The following NFIA variants were observed in gnomAD, a reference collection of about 807,000 sequenced individuals.
NFIA encodes the protein nuclear factor 1 A-type.
A neutral mutation model predicts 62.8 loss-of-function variants in NFIA; 8 were observed. The ratio of observed to expected loss-of-function variants is 0.13; its 90% CI spans 0.07 to 0.23. The LOEUF (loss-of-function observed/expected upper bound fraction) is 0.23. NFIA is among the 10% of genes least tolerant of loss of function. NFIA has a pLI of 1.00. For missense variants in NFIA, 410 were observed against 642.1 expected, an observed-to-expected ratio of 0.64 and a Z score of 3.91; for synonymous variants, 235 against 238.1, an observed-to-expected ratio of 0.99 and a Z score of 0.12.
At chr1:61,324,945 A>AC (rs1660853456) in intron 3 of NFIA, among the ~76,000 whole-genome samples, 1 of 152,222 alleles carries the variant, frequency 6.6e-6, no homozygotes, top group South Asian at 2.1e-4. Context: ...AATTCAATGA[A>AC]CAAGACTTCA....
At chr1:61,379,747 C>T (rs1241350911) in intron 6 of NFIA, among the ~76,000 whole-genome samples, 3 of 151,934 alleles carry the variant, frequency 2.0e-5, no homozygotes, top group African/African-American at 7.2e-5. Flanking sequence ...GAGATAAGGT[C>T]TCACTATATT....
At chr1:61,206,593 C>T (rs767900695) in intron 2 of NFIA, among the ~76,000 whole-genome samples, 4 of 152,144 alleles carry the variant, frequency 2.6e-5, no homozygotes, top group South Asian at 2.1e-4. Flanking sequence ...CTTGTCAGTG[C>T]GACCTCAGAC....
intron 2 of NFIA, chr1:61,251,394 C>T (rs1656028809): frequency 6.6e-6 from 1 of 152,140 alleles, no homozygotes; most frequent in Non-Finnish European, 1.5e-5. Context: ...GTAATGTTTA[C>T]TTTGCAAAAG....
chr1:61,335,878 G>T (rs1661578320), intron 4 of NFIA, among the ~76,000 whole-genome samples: 2 of 151,958 alleles, frequency 1.3e-5, no homozygotes, highest in African/African-American at 4.8e-5. Flanking sequence ...GGCACAAAAG[G>T]TGATTAAACA....
chr1:61,098,376 T>C (rs1314014070), intron 2 of NFIA, among the ~76,000 whole-genome samples: 4 of 152,226 alleles, frequency 2.6e-5, no homozygotes, highest in Non-Finnish European at 5.9e-5. Flanking sequence ...TTTGCGTCTT[T>C]ATATGACTAT....
rs1373069191 is a variant in NFIA at position 61,460,403 on chromosome 1, A to C, written c.*5083A>C. The C allele has an allele frequency of 2.6e-5, 4 of 152,258 alleles. No homozygotes were observed. The highest frequency in any genetic ancestry group is 9.6e-5 in the African/African-American group (4 of 41,474). The allele number at this position is 152,258 out of a possible 1,614,324, so 9.4% of individuals were successfully genotyped here. A position where few individuals can be genotyped will look rare whatever the true frequency, so the allele number is the denominator to read the frequency against. On this transcript the variant is annotated 3_prime_UTR_variant, in exon 11 of 11. Transcript: ENST00000403491. Reference sequence around the variant, plus strand: ...TGAAATCAATTTAATGTTTAATGCAAATCCATTACATGGTGCTATTATAGG... The same window carrying C: ...TGAAATCAATTTAATGTTTAATGCACATCCATTACATGGTGCTATTATAGG...
chr1:61,269,268 C>G (rs1657367559), intron 2 of NFIA, among the ~76,000 whole-genome samples: 1 of 149,934 alleles, frequency 6.7e-6, no homozygotes, highest in African/African-American at 2.5e-5. Flanking sequence ...AGACTTCGGA[C>G]AAATATTTTA....
chr1:61,265,617 T>G (rs1031161337), intron 2 of NFIA, among the ~76,000 whole-genome samples: 3 of 152,196 alleles, frequency 2.0e-5, no homozygotes, highest in African/African-American at 7.2e-5. Context: ...ATTGTCAATG[T>G]GGAAATTGAA....
At chr1:61,288,275 A>G (rs1453777067) in intron 3 of NFIA, among the ~76,000 whole-genome samples, 1 of 152,242 alleles carries the variant, frequency 6.6e-6, no homozygotes, top group African/African-American at 2.4e-5. Context: ...GGTGAAGTAG[A>G]GAAATGGCAT....
intron 3 of NFIA, among the ~76,000 whole-genome samples, chr1:61,330,961 T>C (rs1475964883): frequency 6.6e-6 from 1 of 152,218 alleles, no homozygotes; most frequent in African/African-American, 2.4e-5. Flanking sequence ...GAAAGAGATG[T>C]TGTGGTCTGT....
chr1:61,184,939 C>A (rs1651053053), intron 2 of NFIA, among the ~76,000 whole-genome samples: 1 of 152,202 alleles, frequency 6.6e-6, no homozygotes, highest in South Asian at 2.1e-4. Context: ...ACTTGACTTA[C>A]ATTCTTTTAA....
chr1:61,235,597 C>G, intron 2 of NFIA, among the ~76,000 whole-genome samples: 1 of 151,290 alleles, frequency 6.6e-6, no homozygotes, highest in African/African-American at 2.4e-5. Flanking sequence ...GGGAGAATCA[C>G]TTGAGCCCAG....
chr1:61,247,142 G>A (rs1013545139), intron 2 of NFIA, among the ~76,000 whole-genome samples: 10 of 152,190 alleles, frequency 6.6e-5, no homozygotes, highest in Non-Finnish European at 1.0e-4. Flanking sequence ...GCTAGATGGG[G>A]TAGAAATGCA....
chr1:61,414,858 C>G (rs146892679), intron 9 of NFIA, among the ~76,000 whole-genome samples: 1 of 152,084 alleles, frequency 6.6e-6, no homozygotes, highest in Non-Finnish European at 1.5e-5. Context: ...ATAAAATTCA[C>G]TCTTTAGTGT....
intron 7 of NFIA, 145 bp from the exon 8 acceptor site, chr1:61,403,959 C>T: frequency 3.4e-6 from 3 of 881,482 alleles, no homozygotes; most frequent in Non-Finnish European, 5.2e-6. Context: ...GAAAATCTGT[C>T]AGACCTATCC....
chr1:61,320,775 GAGATGGGCC>G (rs1481597135), intron 3 of NFIA, among the ~76,000 whole-genome samples: 1 of 152,140 alleles, frequency 6.6e-6, no homozygotes, highest in Non-Finnish European at 1.5e-5. Context: ...GAAGAAAAGG[GAGATGGGCC>G]ATTACGATTT....
rs140522391 is a variant in NFIA, at chr1:61,261,212, T to A, written c.560-16308T>A. Among the ~76,000 whole-genome samples the A allele has an allele frequency of 4.9e-3, 748 of 152,334 alleles. 4 individuals are homozygous for A. Among genetic ancestry groups the A allele is most frequent in the Non-Finnish European group, 7.3e-3 (499 of 68,030 alleles). ...CTGATTCTGAACTTGATGTCCATTT[T>A]GAGGGGTTGTTAAGCCAAATACCTT... On this transcript the variant is annotated intron_variant, in intron 2 of 10. Coordinates refer to ENST00000403491, the MANE Select transcript of NFIA (RefSeq NM_001134673.4).
intron 7 of NFIA, chr1:61,385,926 T>C (rs567760542): frequency 1.3e-5 from 2 of 152,184 alleles, no homozygotes; most frequent in Non-Finnish European, 1.5e-5. Flanking sequence ...TCTACTCAGG[T>C]ACCCGTTCTT....
intron 2 of NFIA, among the ~76,000 whole-genome samples, chr1:61,131,499 C>G (rs1647078734): frequency 6.6e-6 from 1 of 151,980 alleles, no homozygotes; most frequent in Non-Finnish European, 1.5e-5. Context: ...AGAGTAGGGC[C>G]CCTAATGTCT....
Sources: gnomAD v4.1 joint callset for allele counts (sites outside exome capture counted in the v4.1 genomes callset) on GRCh38, gnomAD v4.1.1 for gene constraint, MANE v1.5 for transcripts, NCBI Gene and HGNC (gene_info 2026-07-23, HGNC 2026-07-21) for gene names.